The following FAM227B variants were observed in gnomAD, a reference collection of about 807,000 sequenced individuals.
FAM227B encodes the protein protein FAM227B.
A neutral mutation model predicts 73.8 loss-of-function variants in FAM227B; 88 were observed. The observed-to-expected ratio is 1.19, with a 90% CI of 1.00 to 1.42. The LOEUF (loss-of-function observed/expected upper bound fraction) is 1.42. FAM227B is among the 40% of genes most tolerant of loss of function. The probability of loss-of-function intolerance (pLI) is 0.00; values close to 1 mark genes in which losing one functional copy is unlikely to be tolerated. For synonymous variants in FAM227B, 210 were observed against 190.5 expected, an observed-to-expected ratio of 1.10 and a Z score of -0.84; for missense variants, 632 against 590.9, an observed-to-expected ratio of 1.07 and a Z score of -0.72.
chr15:49,515,457 T>C (rs1467151279), intron 10 of FAM227B, among the ~76,000 whole-genome samples: 1 of 152,208 alleles, frequency 6.6e-6, no homozygotes, highest in Non-Finnish European at 1.5e-5. Flanking sequence ...TACCTGAAAC[T>C]GATTCTGTTG....
In FAM227B at chr15:49,615,214, T is replaced by G. The variant is rs1433233122; in HGVS notation, c.-43A>C. ...GAAATGAAGAGAAATCAGCTGGGTC[T>G]TAGGCTTCAATGTGAGTTGGGCGAC... is the stretch of plus-strand genomic sequence containing the variant. On this transcript the variant is annotated 5_prime_UTR_variant, in exon 2 of 16. Transcript: ENST00000299338. The G allele has an allele frequency of 6.3e-7, 1 of 1,594,082 alleles. No homozygotes were observed. The highest frequency in any genetic ancestry group is 8.6e-7 in the Non-Finnish European group (1 of 1,161,724).
At position 49,601,967 on chromosome 15, in the gene FAM227B, C is replaced by G. The variant is rs574907958; in HGVS notation, c.105+9248G>C. ...AGTTCCATCTATGTTGTGTGGATAACAGGATCTCCCACTTTTTTATGGCTG... is the reference window on the plus strand; with the variant it reads ...AGTTCCATCTATGTTGTGTGGATAAGAGGATCTCCCACTTTTTTATGGCTG... On this transcript the variant is annotated intron_variant, in intron 3 of 15. Transcript: ENST00000299338. 1.8e-3 allele frequency among the ~76,000 whole-genome samples: 270 copies of G among 152,304 alleles called. 1 individual carries two copies. Among genetic ancestry groups the G allele is most frequent in the African/African-American group, 6.4e-3 (267 of 41,570 alleles).
chr15:49,604,420 T>C (rs1163732009), intron 3 of FAM227B, among the ~76,000 whole-genome samples: 1 of 152,168 alleles, frequency 6.6e-6, no homozygotes. Context: ...ATAAATCTGC[T>C]TATAATCTTA....
chr15:49,335,542 G>A (rs2039555022), intron 13 of FAM227B, 46 bp from the exon 14 acceptor site: 4 of 1,474,992 alleles, frequency 2.7e-6, no homozygotes, highest in Non-Finnish European at 2.8e-6. Flanking sequence ...AGGAACATTT[G>A]GGAAGTAAAC....
At chr15:49,470,928 A>G (rs1320379656) in intron 11 of FAM227B, among the ~76,000 whole-genome samples, 1 of 152,236 alleles carries the variant, frequency 6.6e-6, no homozygotes, top group Non-Finnish European at 1.5e-5. Flanking sequence ...AAGGACACCA[A>G]GGGAACTACT....
chr15:49,523,211 C>CTGAT (rs1220786045), intron 10 of FAM227B, among the ~76,000 whole-genome samples: 2 of 152,044 alleles, frequency 1.3e-5, no homozygotes, highest in East Asian at 3.9e-4. Flanking sequence ...AAAAAGCCAG[C>CTGAT]TGATATGGTT....
intron 11 of FAM227B, among the ~76,000 whole-genome samples, chr15:49,449,824 C>T (rs1022110494): frequency 2.0e-5 from 3 of 151,568 alleles, no homozygotes; most frequent in East Asian, 3.9e-4. Flanking sequence ...TACATGTAAA[C>T]GAGATCAGAT....
Position 49,426,799 on chromosome 15 carries a change from A to G in FAM227B, c.1013-55400T>C, listed in dbSNP as rs139096296. ...CCAGTGTACTAAAAAGACAAGATAC[A>G]CATCATGTAAATAATTTTTACTTCT... On this transcript the variant is annotated intron_variant, in intron 11 of 15. Coordinates refer to ENST00000299338, the MANE Select transcript of FAM227B (RefSeq NM_152647.3). 6.6e-5 allele frequency among the ~76,000 whole-genome samples: 10 copies of G among 152,086 alleles called. No individual in the cohort carries two copies. In the East Asian group the frequency reaches 1.7e-3, roughly 26 times the overall value.
chr15:49,392,967 G>GT (rs374367593), intron 11 of FAM227B, among the ~76,000 whole-genome samples: 31 of 152,216 alleles, frequency 2.0e-4, no homozygotes, highest in African/African-American at 7.5e-4. Flanking sequence ...ACTGAGTGTA[G>GT]TTTTTTGTAA....
chr15:49,415,292 G>T (rs1438690810), intron 11 of FAM227B, among the ~76,000 whole-genome samples: 1 of 152,114 alleles, frequency 6.6e-6, no homozygotes, highest in African/African-American at 2.4e-5. Flanking sequence ...AATTGCACAA[G>T]GTCTTTGTGT....
intron 3 of FAM227B, among the ~76,000 whole-genome samples, chr15:49,607,764 A>G (rs1269911663): frequency 2.0e-5 from 3 of 151,552 alleles, no homozygotes; most frequent in Admixed American, 2.0e-4. Context: ...ATTAATATAA[A>G]GAAGGTGATT....
At chr15:49,345,953 G>T (rs112749765) in intron 13 of FAM227B, among the ~76,000 whole-genome samples, 1 of 152,050 alleles carries the variant, frequency 6.6e-6, no homozygotes, top group Non-Finnish European at 1.5e-5. Flanking sequence ...GGCAAATTTC[G>T]TACTTATCTG....
intron 10 of FAM227B, among the ~76,000 whole-genome samples, chr15:49,526,307 G>C (rs143898253): frequency 1.2e-3 from 175 of 152,130 alleles, no homozygotes; most frequent in Non-Finnish European, 1.8e-3. Context: ...GGACTTTTGG[G>C]TAAAAAATGA....
chr15:49,388,733 A>C (rs978516676), intron 11 of FAM227B, among the ~76,000 whole-genome samples: 1 of 151,894 alleles, frequency 6.6e-6, no homozygotes, highest in African/African-American at 2.4e-5. Flanking sequence ...TGCAAACTAC[A>C]CATCCGAAAA....
At chr15:49,367,817 A>G (rs1359728675) in intron 12 of FAM227B, 1 of 316,724 alleles carries the variant, frequency 3.2e-6, no homozygotes, top group Non-Finnish European at 5.6e-6. Flanking sequence ...CTTTTGAGTT[A>G]TCATCAGACT....
At chr15:49,458,943 G>A (rs1357651869) in intron 11 of FAM227B, among the ~76,000 whole-genome samples, 2 of 151,980 alleles carry the variant, frequency 1.3e-5, no homozygotes, top group Non-Finnish European at 2.9e-5. Context: ...AATGACCACT[G>A]CTTATAAAAA....
intron 11 of FAM227B, among the ~76,000 whole-genome samples, chr15:49,481,074 TTAAA>T (rs2055900352): frequency 6.6e-6 from 1 of 152,094 alleles, no homozygotes; most frequent in Non-Finnish European, 1.5e-5. Flanking sequence ...AGAAAATATA[TTAAA>T]TAAAGGGAGG....
At chr15:49,603,185 C>T (rs567790780) in intron 3 of FAM227B, among the ~76,000 whole-genome samples, 34 of 152,094 alleles carry the variant, frequency 2.2e-4, no homozygotes, top group African/African-American at 8.0e-4. Flanking sequence ...TGAAGAATGT[C>T]GCTGGTATTT....
chr15:49,526,066 A>G (rs925949161), intron 10 of FAM227B, among the ~76,000 whole-genome samples: 2 of 152,060 alleles, frequency 1.3e-5, no homozygotes, highest in African/African-American at 4.8e-5. Context: ...ATAGACATTT[A>G]AAGAAGATTC....
Sources: gnomAD v4.1 joint callset for allele counts (sites outside exome capture counted in the v4.1 genomes callset) on GRCh38, gnomAD v4.1.1 for gene constraint, MANE v1.5 for transcripts, NCBI Gene and HGNC (gene_info 2026-07-23, HGNC 2026-07-21) for gene names.